The following NEDD4 variants were observed in gnomAD, a reference collection of about 807,000 sequenced individuals.
The protein encoded by NEDD4 is NEDD4 E3 ubiquitin protein ligase, also known as E3 ubiquitin-protein ligase NEDD4.
Under a neutral mutation model 144.9 loss-of-function variants are expected in NEDD4, and 99 were observed. The ratio of observed to expected loss-of-function variants is 0.68; its 90% CI spans 0.58 to 0.81. NEDD4 has a LOEUF of 0.81. Among genes scored for constraint, NEDD4 ranks in the 30% least tolerant of loss-of-function variants. The pLI is 0.00. For synonymous variants in NEDD4, 318 were observed against 350.6 expected (o/e 0.91, Z 1.04); for missense variants, 985 against 1,065.9 (o/e 0.92, Z 1.06).
At chr15:55,937,737 G>C (rs2036920467) in intron 4 of NEDD4, among the ~76,000 whole-genome samples, 2 of 152,154 alleles carry the variant, frequency 1.3e-5, no homozygotes, top group Non-Finnish European at 2.9e-5. Flanking sequence ...TTGTTAAAAT[G>C]TCCATACTAT....
At chr15:55,979,181 T>C (rs2037755497) in intron 1 of NEDD4, among the ~76,000 whole-genome samples, 1 of 151,614 alleles carries the variant, frequency 6.6e-6, no homozygotes, top group African/African-American at 2.4e-5. Flanking sequence ...TTTGAAGCCA[T>C]TCAAAAAGTA....
At chr15:55,872,511 A>C in intron 6 of NEDD4, 35 bp from the exon 7 acceptor site, 1 of 961,028 alleles carries the variant, frequency 1.0e-6, no homozygotes, top group Non-Finnish European at 1.5e-6. Flanking sequence ...AAATATATCT[A>C]TAACACCAAA....
chr15:55,830,177 A>G (rs372567961), intron 28 of NEDD4, among the ~76,000 whole-genome samples, 178 bp from the exon 29 acceptor site: 1 of 152,166 alleles, frequency 6.6e-6, no homozygotes, highest in East Asian at 1.9e-4. Context: ...ACTCTGCACA[A>G]CTCCTTGTGG....
chr15:55,858,716 G>A (rs2034290148), intron 11 of NEDD4, among the ~76,000 whole-genome samples: 1 of 152,296 alleles, frequency 6.6e-6, no homozygotes, highest in African/African-American at 2.4e-5. Flanking sequence ...AGGCAGGCAG[G>A]CGGATTTACT....
chr15:55,861,058 G>C (rs2034385964), intron 9 of NEDD4, among the ~76,000 whole-genome samples: 1 of 152,100 alleles, frequency 6.6e-6, no homozygotes, highest in South Asian at 2.1e-4. Flanking sequence ...AACACATATA[G>C]GTACTCAAAA....
At chr15:55,927,474 T>C (rs545165135) in intron 4 of NEDD4, among the ~76,000 whole-genome samples, 23 of 152,142 alleles carry the variant, frequency 1.5e-4, no homozygotes, top group African/African-American at 5.3e-4. Context: ...TTTTAAAAAT[T>C]TTTGCAGAGA....
intron 5 of NEDD4, among the ~76,000 whole-genome samples, chr15:55,876,342 T>C (rs1294047054): frequency 6.6e-6 from 1 of 151,592 alleles, no homozygotes; most frequent in African/African-American, 2.4e-5. Flanking sequence ...ATGGTAAATA[T>C]GTGGGTAAAG....
At chr15:55,913,742 A>T (rs1463383337) in intron 5 of NEDD4, among the ~76,000 whole-genome samples, 1 of 152,040 alleles carries the variant, frequency 6.6e-6, no homozygotes, top group East Asian at 1.9e-4. Context: ...TCATTAAAAA[A>T]CACATTTAAA....
chr15:55,933,136 T>C (rs1287616556), intron 4 of NEDD4, among the ~76,000 whole-genome samples: 2 of 152,086 alleles, frequency 1.3e-5, no homozygotes, highest in African/African-American at 4.8e-5. Context: ...TCCTCAAGGA[T>C]CTAGAACTAG....
chr15:55,969,837 G>A (rs1444061272), intron 1 of NEDD4, among the ~76,000 whole-genome samples: 4 of 152,158 alleles, frequency 2.6e-5, no homozygotes, highest in African/African-American at 7.2e-5. Context: ...CACATTCCCA[G>A]CTGTGGCGGC....
At chr15:55,896,218 G>A (rs1408223929) in intron 5 of NEDD4, among the ~76,000 whole-genome samples, 3 of 152,156 alleles carry the variant, frequency 2.0e-5, no homozygotes, top group Non-Finnish European at 4.4e-5. Flanking sequence ...GTCTCACTCT[G>A]TTGCCCAGGC....
At chr15:55,984,039 T>C (rs1208206010) in intron 1 of NEDD4, among the ~76,000 whole-genome samples, 1 of 152,210 alleles carries the variant, frequency 6.6e-6, no homozygotes, top group Non-Finnish European at 1.5e-5. Context: ...TCTATATCAT[T>C]ATACCTCATG....
At chr15:55,945,022 G>C (rs772950066) in intron 4 of NEDD4, among the ~76,000 whole-genome samples, 1 of 152,108 alleles carries the variant, frequency 6.6e-6, no homozygotes, top group Non-Finnish European at 1.5e-5. Flanking sequence ...GAACGTCAAA[G>C]ATGAAAGGTA....
At chr15:55,856,745 G>A (rs1010481904) in intron 11 of NEDD4, among the ~76,000 whole-genome samples, 2 of 152,034 alleles carry the variant, frequency 1.3e-5, no homozygotes, top group Non-Finnish European at 2.9e-5. Flanking sequence ...TTCCCACTTC[G>A]CAATCTACCC....
chr15:55,980,294 G>T (rs1232967392), intron 1 of NEDD4, among the ~76,000 whole-genome samples: 1 of 152,068 alleles, frequency 6.6e-6, no homozygotes, highest in African/African-American at 2.4e-5. Flanking sequence ...GCACAGTAGG[G>T]GCTGACAAAT....
intron 2 of NEDD4, among the ~76,000 whole-genome samples, chr15:55,960,020 C>A (rs967913152): frequency 1.3e-5 from 2 of 152,140 alleles, no homozygotes; most frequent in African/African-American, 4.8e-5. Flanking sequence ...CCTCTCAGCT[C>A]CTCAATGTGG....
chr15:55,935,962 G>T (rs2036881766), intron 4 of NEDD4, among the ~76,000 whole-genome samples: 1 of 151,480 alleles, frequency 6.6e-6, no homozygotes, highest in Admixed American at 6.6e-5. Context: ...AAAGCCAAGA[G>T]AATCCCAGAG....
chr15:55,921,617 G>C (rs1455746804), intron 5 of NEDD4, among the ~76,000 whole-genome samples: 2 of 152,132 alleles, frequency 1.3e-5, no homozygotes, highest in African/African-American at 4.8e-5. Context: ...CTCCCAAAGT[G>C]CTGGGATTAC....
intron 4 of NEDD4, among the ~76,000 whole-genome samples, chr15:55,943,408 C>A (rs2037044784): frequency 1.3e-5 from 2 of 152,200 alleles, no homozygotes; most frequent in East Asian, 3.9e-4. Context: ...AGACCAGGCC[C>A]AGGGCCCTGC....
Sources: gnomAD v4.1 joint callset for allele counts (sites outside exome capture counted in the v4.1 genomes callset) on GRCh38, gnomAD v4.1.1 for gene constraint, MANE v1.5 for transcripts, NCBI Gene and HGNC (gene_info 2026-07-23, HGNC 2026-07-21) for gene names.